The following CLSTN2 variants were observed in gnomAD, a reference collection of about 807,000 sequenced individuals.
The protein encoded by CLSTN2 is calsyntenin 2, also known as calsyntenin-2.
In CLSTN2, 48 loss-of-function variants were observed where a neutral mutation model predicts 101.2. That is an observed-to-expected ratio of 0.47 (90% confidence interval 0.38 to 0.60). CLSTN2 has a LOEUF of 0.60. Among genes scored for constraint, CLSTN2 ranks in the 20% least tolerant of loss-of-function variants. The pLI, the probability that CLSTN2 is intolerant of heterozygous loss-of-function variation, is 0.00. For synonymous variants in CLSTN2, 481 were observed against 463.6 expected (o/e 1.04, Z -0.48); for missense variants, 1,160 against 1,238.2 (o/e 0.94, Z 0.95).
intron 1 of CLSTN2, among the ~76,000 whole-genome samples, chr3:140,149,453 A>G (rs1007967648): frequency 1.2e-4 from 10 of 83,316 alleles, no homozygotes; most frequent in Non-Finnish European, 4.6e-5. Context: ...CTCGAATGTC[A>G]GATAAATAGC....
At chr3:140,324,518 A>G (rs946966626) in intron 2 of CLSTN2, among the ~76,000 whole-genome samples, 1 of 152,248 alleles carries the variant, frequency 6.6e-6, no homozygotes, top group Non-Finnish European at 1.5e-5. Context: ...AAAGTAGACC[A>G]AAATGTTGAC....
chr3:140,349,972 A>G (rs1456012626), intron 2 of CLSTN2, among the ~76,000 whole-genome samples: 1 of 152,162 alleles, frequency 6.6e-6, no homozygotes, highest in Non-Finnish European at 1.5e-5. Context: ...CATCTCTCAT[A>G]GATTGAATGC....
chr3:140,401,613 C>T (rs917022815), intron 2 of CLSTN2, among the ~76,000 whole-genome samples: 1 of 152,322 alleles, frequency 6.6e-6, no homozygotes. Context: ...GAAGATTACA[C>T]TCATCTATTC....
At chr3:140,346,908 T>C (rs1190482517) in intron 2 of CLSTN2, among the ~76,000 whole-genome samples, 1 of 152,206 alleles carries the variant, frequency 6.6e-6, no homozygotes, top group Non-Finnish European at 1.5e-5. Context: ...TTACCTAAAC[T>C]AGTAGCACAG....
At chr3:140,108,012 G>A (rs2009091350) in intron 1 of CLSTN2, among the ~76,000 whole-genome samples, 1 of 152,194 alleles carries the variant, frequency 6.6e-6, no homozygotes, top group Admixed American at 6.5e-5. Context: ...TTGTGCCAGA[G>A]CAATGAGTGG....
chr3:140,105,526 A>G (rs987247129), intron 1 of CLSTN2, among the ~76,000 whole-genome samples: 1 of 151,980 alleles, frequency 6.6e-6, no homozygotes, highest in African/African-American at 2.4e-5. Flanking sequence ...TTGACTGCCC[A>G]CTCCTAGGAC....
At chr3:140,109,262 C>G (rs1232259996) in intron 1 of CLSTN2, among the ~76,000 whole-genome samples, 1 of 152,208 alleles carries the variant, frequency 6.6e-6, no homozygotes, top group African/African-American at 2.4e-5. Context: ...GTTCTCTCTA[C>G]TCTACCAGAA....
chr3:140,121,678 C>T (rs1353748909), intron 1 of CLSTN2, among the ~76,000 whole-genome samples: 1 of 152,202 alleles, frequency 6.6e-6, no homozygotes, highest in Non-Finnish European at 1.5e-5. Flanking sequence ...TCTCACTCCA[C>T]CTGACTGTAA....
chr3:140,208,768 T>G (rs979939539), intron 2 of CLSTN2, among the ~76,000 whole-genome samples: 1 of 152,176 alleles, frequency 6.6e-6, no homozygotes, highest in Non-Finnish European at 1.5e-5. Flanking sequence ...TTCTTGTTAT[T>G]TGTTGTTTTT....
At chr3:140,419,857 GTA>G (rs768735484) in intron 4 of CLSTN2, among the ~76,000 whole-genome samples, 1 of 29,552 alleles carries the variant, frequency 3.4e-5, no homozygotes, top group Non-Finnish European at 5.3e-5. Flanking sequence ...ATATATATAT[GTA>G]TATATATATA....
At chr3:140,085,555 G>A (rs2008667533) in intron 1 of CLSTN2, among the ~76,000 whole-genome samples, 1 of 152,074 alleles carries the variant, frequency 6.6e-6, no homozygotes, top group Non-Finnish European at 1.5e-5. Context: ...CAAATCCTCT[G>A]GGGGCAATTT....
chr3:140,282,895 A>G (rs1301140968), intron 2 of CLSTN2, among the ~76,000 whole-genome samples: 1 of 152,186 alleles, frequency 6.6e-6, no homozygotes, highest in Non-Finnish European at 1.5e-5. Flanking sequence ...TAAGCTGAGC[A>G]AGGGACTTTT....
chr3:140,564,235 C>A, intron 16 of CLSTN2, 90 bp downstream of exon 16: 2 of 1,210,772 alleles, frequency 1.7e-6, no homozygotes, highest in South Asian at 1.4e-5. Context: ...AGCCCCATAC[C>A]CCCTCCTTCT....
chr3:140,436,966 G>T (rs1316376365), intron 5 of CLSTN2, among the ~76,000 whole-genome samples: 1 of 151,992 alleles, frequency 6.6e-6, no homozygotes, highest in African/African-American at 2.4e-5. Flanking sequence ...CTGAGACTCT[G>T]CATCTCTGGT....
chr3:140,403,757 A>G lies in CLSTN2; in HGVS notation c.361A>G (p.Thr121Ala), dbSNP rs1180189946. 6.2e-7 allele frequency: 1 copy of G among 1,614,180 alleles called. No individual in the cohort carries two copies. The part of the protein sequence containing the change: ...PIDCELQKEY[T>A]FIIQAYDCGA... The stretch of plus-strand genomic sequence containing the variant: ...TGACTGTGAGTTGCAGAAGGAGTAC[A>G]CATTCATCATCCAGGCCTATGACTG... The change falls in exon 3 of 17, where the codon ACA (threonine) becomes GCA (alanine). Residue 121 changes from threonine (T) to alanine (A), a missense_variant. Physicochemically the swap from Thr to Ala is moderately conservative, Grantham distance 58. Transcript: ENST00000458420.
chr3:140,227,321 T>C (rs2086331022), intron 2 of CLSTN2, among the ~76,000 whole-genome samples: 2 of 152,186 alleles, frequency 1.3e-5, no homozygotes, highest in Admixed American at 1.3e-4. Flanking sequence ...AGCAGGGCAG[T>C]CAAATCTTAA....
chr3:140,129,740 A>G (rs2009493699), intron 1 of CLSTN2, among the ~76,000 whole-genome samples: 1 of 152,138 alleles, frequency 6.6e-6, no homozygotes, highest in Non-Finnish European at 1.5e-5. Flanking sequence ...TGAACTACTA[A>G]TCAGGCACCA....
intron 1 of CLSTN2, among the ~76,000 whole-genome samples, chr3:140,171,800 T>A (rs376132833): frequency 2.3e-5 from 2 of 87,240 alleles, no homozygotes; most frequent in African/African-American, 7.7e-5. Context: ...TAATATATAA[T>A]ATGTATTATA....
rs536829930 is a variant in CLSTN2, at chr3:140,093,234, TATTA to T, written c.110-82711_110-82708del. Reference sequence around the variant, plus strand: ...GCTCCCTGAGCCATTATTTCACAGATATTAATTAAGTTGTGAAAGGAGTGTATTT... The same window carrying T: ...GCTCCCTGAGCCATTATTTCACAGATATTAAGTTGTGAAAGGAGTGTATTT... On this transcript the variant is annotated intron_variant, in intron 1 of 16. Transcript: ENST00000458420. Among the ~76,000 whole-genome samples the T allele has an allele frequency of 1.4e-4, 22 of 152,238 alleles. No homozygotes were observed. In the South Asian group the frequency reaches 3.3e-3, roughly 23 times the overall value.
Sources: allele counts gnomAD v4.1 joint callset (sites outside exome capture counted in the v4.1 genomes callset), GRCh38; gene constraint gnomAD v4.1.1; transcripts MANE v1.5; gene names NCBI Gene and HGNC (gene_info 2026-07-23, HGNC 2026-07-21).